SMAD3: variants seen among roughly 807,000 people sequenced by gnomAD.
The protein encoded by SMAD3 is SMAD family member 3, also known as MAD homolog 3.
A neutral mutation model predicts 51.8 loss-of-function variants in SMAD3; 12 were observed. That is an observed-to-expected ratio of 0.23 (90% confidence interval 0.15 to 0.38). SMAD3 has a LOEUF of 0.38. Ranked by LOEUF, SMAD3 falls within the 10% of genes least tolerant of loss-of-function variation. The pLI is 1.00. For missense variants in SMAD3, 294 were observed against 565.6 expected (o/e 0.52, Z 4.87); for synonymous variants, 238 against 227.7 (o/e 1.05, Z -0.41).
chr15:67,151,851 A>C (rs1962154752), intron 1 of SMAD3, among the ~76,000 whole-genome samples: 1 of 152,146 alleles, frequency 6.6e-6, no homozygotes. Context: ...CTTCTATTTG[A>C]AACTATGTAA....
chr15:67,112,233 T>G (rs1300119300), intron 1 of SMAD3, among the ~76,000 whole-genome samples: 1 of 139,052 alleles, frequency 7.2e-6, no homozygotes, highest in Non-Finnish European at 1.5e-5. Flanking sequence ...CACTGCAACC[T>G]CCGCCACCTA....
intron 8 of SMAD3, among the ~76,000 whole-genome samples, chr15:67,188,883 C>T (rs1485462834): frequency 3.9e-5 from 6 of 152,178 alleles, no homozygotes; most frequent in Admixed American, 2.0e-4. Context: ...TTCCACTTAC[C>T]GTATTTTAGC....
At chr15:67,161,734 A>G (rs1566990225) in intron 1 of SMAD3, among the ~76,000 whole-genome samples, 1 of 152,188 alleles carries the variant, frequency 6.6e-6, no homozygotes. Flanking sequence ...GAGAATAATA[A>G]CGCTAATTTG....
intron 1 of SMAD3, among the ~76,000 whole-genome samples, chr15:67,160,812 A>ATG (rs1962410649): frequency 8.2e-6 from 1 of 122,594 alleles, no homozygotes; most frequent in Non-Finnish European, 1.7e-5. Flanking sequence ...AAAAAAAAAA[A>ATG]GAAGATTGAA....
At chr15:67,115,478 T>C (rs1403685103) in intron 1 of SMAD3, among the ~76,000 whole-genome samples, 1 of 152,222 alleles carries the variant, frequency 6.6e-6, no homozygotes, top group African/African-American at 2.4e-5. Context: ...TCCATCTACT[T>C]TGAATCCACA....
At chr15:67,141,119 G>A (rs1476959363) in intron 1 of SMAD3, among the ~76,000 whole-genome samples, 5 of 152,162 alleles carry the variant, frequency 3.3e-5, no homozygotes, top group African/African-American at 7.2e-5. Context: ...CTGTCTTCTG[G>A]GTCTCCCAAT....
chr15:67,157,127 G>A (rs912237387), intron 1 of SMAD3, among the ~76,000 whole-genome samples: 1 of 152,226 alleles, frequency 6.6e-6, no homozygotes, highest in African/African-American at 2.4e-5. Flanking sequence ...CAATGGGCAA[G>A]TTGAAAAAGA....
At chr15:67,088,457 G>A (rs1032318444) in intron 1 of SMAD3, among the ~76,000 whole-genome samples, 1 of 152,242 alleles carries the variant, frequency 6.6e-6, no homozygotes, top group African/African-American at 2.4e-5. Flanking sequence ...GGCGAGAAAA[G>A]CTGTGGGAGA....
chr15:67,170,502 T>A (rs1962718338), intron 4 of SMAD3, 52 bp from the exon 5 acceptor site: 1 of 1,492,618 alleles, frequency 6.7e-7, no homozygotes, highest in African/African-American at 1.4e-5. Context: ...GTAACTTGGC[T>A]CTCCAGGCCA....
At chr15:67,129,157 G>A (rs1416901144) in intron 1 of SMAD3, among the ~76,000 whole-genome samples, 1 of 152,172 alleles carries the variant, frequency 6.6e-6, no homozygotes, top group Admixed American at 6.5e-5. Flanking sequence ...GAAGTGATGT[G>A]CACTTAGCAC....
intron 8 of SMAD3, among the ~76,000 whole-genome samples, chr15:67,188,926 G>A (rs1963292289): frequency 6.6e-6 from 1 of 152,180 alleles, no homozygotes; most frequent in South Asian, 2.1e-4. Context: ...CAGGGTGTCA[G>A]GGAACACAGC....
intron 5 of SMAD3, among the ~76,000 whole-genome samples, chr15:67,177,422 G>GGTTTTTTTTTTT (rs1962931269): frequency 5.3e-5 from 5 of 93,872 alleles, no homozygotes; most frequent in Non-Finnish European, 8.4e-5. Flanking sequence ...AGTGTTTTGG[G>GGTTTTTTTTTTT]TTTTTTTTTT....
At chr15:67,091,719 A>G (rs1241812602) in intron 1 of SMAD3, among the ~76,000 whole-genome samples, 1 of 152,216 alleles carries the variant, frequency 6.6e-6, no homozygotes. Flanking sequence ...TAAGTTTACC[A>G]AGCTCTCAAT....
intron 5 of SMAD3, 98 bp downstream of exon 5, chr15:67,170,702 C>T (rs1962726696): frequency 9.8e-7 from 1 of 1,017,878 alleles, no homozygotes; most frequent in Admixed American, 1.7e-5. Context: ...AGGCTCTCCC[C>T]CGACCCCTAC....
chr15:67,142,591 C>T lies in SMAD3; in HGVS notation c.207-22304C>T, dbSNP rs76165714. 4.0e-3 allele frequency: 983 copies of T among 247,974 alleles called. 16 individuals carry two copies. In the East Asian group the frequency reaches 0.049, roughly 12 times the overall value. The allele number at this position is 247,974 out of a possible 1,614,324, so 15.4% of individuals were successfully genotyped here. A position where few individuals can be genotyped will look rare whatever the true frequency, so the allele number is the denominator to read the frequency against. ...CCAAATGATGTCCCCTGATCTGTAC[C>T]CCACCCCCAATTCTCAGGCTTCTGG... On this transcript the variant is annotated intron_variant, in intron 1 of 8. Coordinates refer to ENST00000327367, the MANE Select transcript of SMAD3 (RefSeq NM_005902.4).
Position 67,168,958 on chromosome 15 carries a change from G to A in SMAD3, c.608-1596G>A, listed in dbSNP as rs1419352500. 4.6e-5 allele frequency among the ~76,000 whole-genome samples: 7 copies of A among 152,208 alleles called. 2 individuals are homozygous for A. In the South Asian group the frequency reaches 1.2e-3, roughly 27 times the overall value. On this transcript the variant is annotated intron_variant, in intron 4 of 8. Coordinates refer to ENST00000327367, the MANE Select transcript of SMAD3 (RefSeq NM_005902.4). Reference sequence around the variant, plus strand: ...CCCATGTCCCTTCACCTACATATGCGCCCTTTTAGACTTGTGAGAAGGCCC... The same window carrying A: ...CCCATGTCCCTTCACCTACATATGCACCCTTTTAGACTTGTGAGAAGGCCC...
chr15:67,161,270 A>G (rs1033867793), intron 1 of SMAD3, among the ~76,000 whole-genome samples: 1 of 152,350 alleles, frequency 6.6e-6, no homozygotes, highest in East Asian at 1.9e-4. Context: ...GTTAGGTTCC[A>G]TTGATCCGTT....
intron 1 of SMAD3, among the ~76,000 whole-genome samples, chr15:67,089,176 G>C (rs1021856696): frequency 1.3e-5 from 2 of 152,142 alleles, no homozygotes; most frequent in Non-Finnish European, 1.5e-5. Flanking sequence ...GTTCTGAAGA[G>C]GCCAGGCTAG....
At chr15:67,135,427 A>G (rs1456208562) in intron 1 of SMAD3, among the ~76,000 whole-genome samples, 2 of 152,036 alleles carry the variant, frequency 1.3e-5, no homozygotes, top group Admixed American at 6.5e-5. Flanking sequence ...GGGTCAAAAC[A>G]CCCTTTTTCA....
Sources: allele counts gnomAD v4.1 joint callset (sites outside exome capture counted in the v4.1 genomes callset), GRCh38; gene constraint gnomAD v4.1.1; transcripts MANE v1.5; gene names NCBI Gene and HGNC (gene_info 2026-07-23, HGNC 2026-07-21).